OSBPL11: variants seen among roughly 807,000 people sequenced by gnomAD.
OSBPL11 encodes oxysterol-binding protein-related protein 11.
In OSBPL11, 33 loss-of-function variants were observed where a neutral mutation model predicts 84.4. The ratio of observed to expected loss-of-function variants is 0.39; its 90% confidence interval spans 0.30 to 0.52. OSBPL11 has a LOEUF of 0.52. OSBPL11 is among the 20% of genes least tolerant of loss of function. The probability of loss-of-function intolerance (pLI) is 0.72; values close to 1 mark genes in which losing one functional copy is unlikely to be tolerated. For missense variants in OSBPL11, 736 were observed against 901.1 expected (o/e 0.82, Z 2.35); for synonymous variants, 276 against 310.2 (o/e 0.89, Z 1.16).
Position 125,552,692 on chromosome 3 carries a change from T to G in OSBPL11, c.1156-13A>C. The G allele has an allele frequency of 6.2e-7, 1 of 1,601,572 alleles. No individual in the cohort carries two copies. Among genetic ancestry groups the G allele is most frequent in the South Asian group, 1.1e-5 (1 of 89,350 alleles). On this transcript the variant is annotated splice_polypyrimidine_tract_variant and intron_variant, in intron 8 of 12. Coordinates refer to ENST00000296220, the MANE Select transcript of OSBPL11 (RefSeq NM_022776.5). ...TAGGAAGCACCACCTAAAACAACAATCAATGAAAGAGGGGAAATTTAATCC... is the reference window on the plus strand; with the variant it reads ...TAGGAAGCACCACCTAAAACAACAAGCAATGAAAGAGGGGAAATTTAATCC...
chr3:125,559,929 A>C (rs2107599175), intron 8 of OSBPL11, among the ~76,000 whole-genome samples: 1 of 149,704 alleles, frequency 6.7e-6, no homozygotes, highest in African/African-American at 2.5e-5. Flanking sequence ...TGATCAGGAG[A>C]CTAAAAAAAA....
intron 11 of OSBPL11, among the ~76,000 whole-genome samples, chr3:125,535,034 A>G (rs1358599137): frequency 6.6e-6 from 1 of 151,438 alleles, no homozygotes; most frequent in African/African-American, 2.4e-5. Flanking sequence ...AGCAAAATTC[A>G]ATGAGAAAGA....
In OSBPL11 at chr3:125,562,791, T is replaced by C. The variant is rs553569882; in HGVS notation, c.1014+907A>G. 4.8e-4 allele frequency among the ~76,000 whole-genome samples: 73 copies of C among 152,268 alleles called. 1 individual carries two copies. In the South Asian group the frequency reaches 0.014, roughly 29 times the overall value. ...AAAATACAAAATTAGCTGGGCATGG[T>C]GGCGCATGCCTGTAATCCCAGCTAC... On this transcript the variant is annotated intron_variant, in intron 7 of 12. Transcript: ENST00000296220.
chr3:125,545,964 A>G (rs1935807208), intron 10 of OSBPL11, among the ~76,000 whole-genome samples: 1 of 152,158 alleles, frequency 6.6e-6, no homozygotes. Flanking sequence ...CCTTAGTTAC[A>G]ATAATTTGTA....
chr3:125,532,788 T>C (rs1420228038), intron 11 of OSBPL11, among the ~76,000 whole-genome samples: 2 of 152,144 alleles, frequency 1.3e-5, no homozygotes, highest in African/African-American at 2.4e-5. Context: ...TGTAGGAGAA[T>C]GTTCACAGCA....
Position 125,595,312 on chromosome 3 carries a change from C to T in OSBPL11, c.-512G>A, listed in dbSNP as rs369336372. 3.3e-5 allele frequency among the ~76,000 whole-genome samples: 5 copies of T among 152,050 alleles called. No individual in the cohort carries two copies. The East Asian group carries it at 7.7e-4, about 24-fold the overall frequency. On this transcript the variant is annotated 5_prime_UTR_variant, in exon 1 of 13. Transcript: ENST00000296220. ...GAGATACAGCCAGGGCCGGCGCGCG[C>T]AGCCGGGGAGGAGGGTCGGGGAATG...
At chr3:125,549,241 C>T (rs1373902944) in intron 9 of OSBPL11, among the ~76,000 whole-genome samples, 7 of 152,182 alleles carry the variant, frequency 4.6e-5, no homozygotes, top group Non-Finnish European at 1.0e-4. Flanking sequence ...CCAGGCTGGT[C>T]TCGAACTCCT....
At position 125,582,998 on chromosome 3, in the gene OSBPL11, C is replaced by G. The variant is rs1308517416; in HGVS notation, c.165-20G>C. The G allele has an allele frequency of 1.3e-6, 2 of 1,541,776 alleles. No homozygotes were observed. Among genetic ancestry groups the G allele is most frequent in the African/African-American group, 1.4e-5 (1 of 70,994 alleles). On this transcript the variant is annotated intron_variant, in intron 1 of 12. Coordinates refer to ENST00000296220, the MANE Select transcript of OSBPL11 (RefSeq NM_022776.5). ...TGATCACTATTTCAAAATGAAAAAG[C>G]CAAAGTTAGTAAAAATTAGAAGAAA...
At chr3:125,563,936 A>G in intron 6 of OSBPL11, 93 bp from the exon 7 acceptor site, 1 of 1,422,846 alleles carries the variant, frequency 7.0e-7, no homozygotes, top group Non-Finnish European at 9.6e-7. Flanking sequence ...TTGAGCCTAC[A>G]AGCCTAAAAG....
chr3:125,563,971 G>T, intron 6 of OSBPL11, 128 bp from the exon 7 acceptor site: 2 of 942,334 alleles, frequency 2.1e-6, no homozygotes, highest in Non-Finnish European at 3.1e-6. Context: ...AAGAGACCCT[G>T]CAAGACAGCC....
chr3:125,561,080 C>CTCCA (rs1175296831), intron 7 of OSBPL11, among the ~76,000 whole-genome samples: 1 of 152,080 alleles, frequency 6.6e-6, no homozygotes, highest in African/African-American at 2.4e-5. Flanking sequence ...TCACTACAAC[C>CTCCA]TCCACCTCCT....
chr3:125,571,055 C>T (rs553215307), intron 5 of OSBPL11, among the ~76,000 whole-genome samples: 56 of 152,266 alleles, frequency 3.7e-4, no homozygotes, highest in African/African-American at 9.1e-4. Context: ...GCCCAAAATG[C>T]GGACAGCAAT....
Position 125,580,025 on chromosome 3 carries a change from G to T in OSBPL11, c.249C>A (p.Asn83Lys). Residue 83 changes from asparagine (N) to lysine (K), a missense_variant, in exon 3 of 13, where the codon AAC becomes AAA. Around this residue, in one of 3 missense-constraint regions of OSBPL11, gnomAD observed 114 missense variants for 104.9 expected, o/e 1.09. Transcript: ENST00000296220. ...TGWQYRFFVL[N>K]NEAGLLEYFV... ...AGTACTCCAACAGCCCAGCTTCATT[G>T]TTTAAAACAAAAAACCTGTAATGAT... is the stretch of plus-strand genomic sequence containing the variant. 1 of 1,605,522 alleles carries T rather than the reference G, an allele frequency of 6.2e-7. No homozygotes were observed.
chr3:125,567,654 A>G, intron 5 of OSBPL11, 59 bp from the exon 6 acceptor site: 1 of 1,383,558 alleles, frequency 7.2e-7, no homozygotes, highest in South Asian at 1.2e-5. Flanking sequence ...ATGTATACAT[A>G]CAGTTGCCAT....
intron 5 of OSBPL11, among the ~76,000 whole-genome samples, chr3:125,572,609 G>A (rs1303076387): frequency 1.3e-5 from 2 of 151,842 alleles, no homozygotes; most frequent in Non-Finnish European, 2.9e-5. Flanking sequence ...TTATAAAGAG[G>A]AGTTCCCCTG....
chr3:125,577,825 T>A (rs1338172117), intron 4 of OSBPL11, among the ~76,000 whole-genome samples: 4 of 150,136 alleles, frequency 2.7e-5, no homozygotes, highest in Non-Finnish European at 5.9e-5. Flanking sequence ...TGAGACTCCA[T>A]CTCAAAAAAA....
chr3:125,590,730 A>G (rs2979307), intron 1 of OSBPL11, among the ~76,000 whole-genome samples: 26,003 of 152,164 alleles, frequency 0.17, 2,352 homozygotes, highest in African/African-American at 0.21. Flanking sequence ...TGCTTCAGAC[A>G]TAGTAGAGAC....
intron 5 of OSBPL11, among the ~76,000 whole-genome samples, chr3:125,568,425 C>A (rs939289925): frequency 7.0e-6 from 1 of 142,474 alleles, no homozygotes; most frequent in African/African-American, 2.6e-5. Context: ...AGTGAGACTA[C>A]GTCTCAAAAA....
chr3:125,595,094 T>C lies in OSBPL11; in HGVS notation c.-294A>G, dbSNP rs747423926. ...ATCCGGCGAGAAGACTTAAGTGACA[T>C]ACTCAAAAGAGAAGGAGTGTGGGGA... On this transcript the variant is annotated 5_prime_UTR_variant, in exon 1 of 13. It removes an upstream start codon present in the reference 5' UTR. Transcript: ENST00000296220. 4.2e-5 allele frequency: 12 copies of C among 288,360 alleles called. 1 individual carries two copies. In the South Asian group the frequency reaches 5.7e-4, roughly 14 times the overall value. The allele number at this position is 288,360 out of a possible 1,614,324, so 17.9% of individuals were successfully genotyped here.
Sources: allele counts gnomAD v4.1 joint callset (sites outside exome capture counted in the v4.1 genomes callset), GRCh38; gene constraint gnomAD v4.1.1; regional missense constraint gnomAD v4.1.1; transcripts MANE v1.5; gene names NCBI Gene and HGNC (gene_info 2026-07-23, HGNC 2026-07-21).